Variants in DCAF8L2 observed in about 807,000 individuals in gnomAD.
DCAF8L2 encodes the protein DDB1- and CUL4-associated factor 8-like protein 2.
For missense variants in DCAF8L2, 430 were observed against 490.7 expected (o/e 0.88, Z 1.17); for synonymous variants, 200 against 190.9 (o/e 1.05, Z -0.39).
At chrX:27,550,213 T>C in the DCAF8L2 span, among the ~76,000 whole-genome samples, 2 of 112,264 alleles carry the variant, frequency 1.8e-5, no homozygotes, top group Non-Finnish European at 3.8e-5. Flanking sequence ...CCTGATAGTC[T>C]CTTTTTGGTT....
intron 1 of DCAF8L2, among the ~76,000 whole-genome samples, chrX:27,622,753 C>A (rs770745720): frequency 2.7e-5 from 3 of 109,867 alleles, no homozygotes; most frequent in Non-Finnish European, 5.7e-5. Context: ...AAGGAAATAA[C>A]TACCATACAA....
At chrX:27,666,864 G>A (rs758677171) in intron 2 of DCAF8L2, among the ~76,000 whole-genome samples, 2 of 111,743 alleles carry the variant, frequency 1.8e-5, no homozygotes, top group East Asian at 2.8e-4. Context: ...GAGATTAAAG[G>A]GGCTCATTTG....
chrX:27,704,227 C>T (rs745371053), intron 3 of DCAF8L2, among the ~76,000 whole-genome samples: 1 of 89,271 alleles, frequency 1.1e-5, no homozygotes, highest in South Asian at 4.5e-4. Context: ...CGCACATGTG[C>T]GTGTACACAC....
intron 1 of DCAF8L2, among the ~76,000 whole-genome samples, chrX:27,595,413 A>C (rs919744273): frequency 1.8e-5 from 2 of 111,267 alleles, no homozygotes; most frequent in Non-Finnish European, 3.8e-5. Flanking sequence ...CAGACTCTAA[A>C]TTTTGGAATT....
intron 2 of DCAF8L2, among the ~76,000 whole-genome samples, chrX:27,666,476 A>G (rs1569176541): frequency 8.9e-6 from 1 of 112,127 alleles, no homozygotes; most frequent in Non-Finnish European, 1.9e-5. Context: ...AGATCTATCC[A>G]AGTAACAGAT....
chrX:27,665,227 A>T (rs528338385), intron 2 of DCAF8L2, among the ~76,000 whole-genome samples: 54 of 110,831 alleles, frequency 4.9e-4, no homozygotes, highest in African/African-American at 1.7e-3. Context: ...AATATTACCA[A>T]AAAATTTAAA....
chrX:27,480,587 T>TA, the DCAF8L2 span, among the ~76,000 whole-genome samples: 1 of 111,894 alleles, frequency 8.9e-6, no homozygotes, highest in Admixed American at 9.5e-5. Context: ...GGGCAGCTAC[T>TA]ACCTTTGTGT....
chrX:27,640,793 T>C (rs763356520), intron 2 of DCAF8L2, among the ~76,000 whole-genome samples: 1 of 101,866 alleles, frequency 9.8e-6, no homozygotes, highest in Non-Finnish European at 2.0e-5. Context: ...TATGTAGTGG[T>C]ATTTTACAAG....
chrX:27,618,349 T>C (rs1191904289), intron 1 of DCAF8L2, among the ~76,000 whole-genome samples: 1 of 111,393 alleles, frequency 9.0e-6, no homozygotes, highest in Admixed American at 9.6e-5. Context: ...AAAGATAGTC[T>C]ATTACAGTGG....
intron 4 of DCAF8L2, among the ~76,000 whole-genome samples, chrX:27,744,677 G>A (rs990023360): frequency 7.1e-5 from 8 of 111,905 alleles, no homozygotes; most frequent in Admixed American, 5.7e-4. Flanking sequence ...GAGGTGTTTG[G>A]ATCATGGGGA....
At chrX:27,729,922 C>T (rs1451798965) in intron 4 of DCAF8L2, among the ~76,000 whole-genome samples, 3 of 111,978 alleles carry the variant, frequency 2.7e-5, no homozygotes, top group African/African-American at 9.7e-5. Context: ...TCCATGGGTA[C>T]TCAAAGTAAG....
At chrX:27,512,410 A>G in the DCAF8L2 span, among the ~76,000 whole-genome samples, 2 of 111,096 alleles carry the variant, frequency 1.8e-5, no homozygotes, top group African/African-American at 6.6e-5. Context: ...CAAGATACCA[A>G]TGACAGCTCA....
At chrX:27,523,990 C>T in the DCAF8L2 span, among the ~76,000 whole-genome samples, 1 of 111,877 alleles carries the variant, frequency 8.9e-6, no homozygotes, top group Non-Finnish European at 1.9e-5. Flanking sequence ...CTAAAAGTCT[C>T]TTTCGTTGTT....
At chrX:27,526,954 T>C in the DCAF8L2 span, among the ~76,000 whole-genome samples, 2 of 112,536 alleles carry the variant, frequency 1.8e-5, no homozygotes, top group African/African-American at 6.5e-5. Context: ...TGCCTCCCAG[T>C]TAGGCTACTC....
chrX:27,547,851 CTCTCTCTCTCTCTCTCTCTT>C, the DCAF8L2 span, among the ~76,000 whole-genome samples: 3 of 68,397 alleles, frequency 4.4e-5, no homozygotes, highest in Admixed American at 3.4e-4. Context: ...CTCTTTCTCT[CTCTCTCTCTCTCTCTCTCTT>C]TCTCTCTCTC....
chrX:27,651,959 A>C (rs765804198), intron 2 of DCAF8L2, among the ~76,000 whole-genome samples: 12 of 110,439 alleles, frequency 1.1e-4, no homozygotes, highest in Admixed American at 1.1e-3. Flanking sequence ...ATATTTTTTA[A>C]AGACCACTCT....
chrX:27,632,097 C>T (rs1928311453), intron 2 of DCAF8L2, 97 bp downstream of exon 2: 1 of 111,369 alleles, frequency 9.0e-6, no homozygotes, highest in Admixed American at 9.6e-5. Context: ...GCTCACTTCC[C>T]TCTTCTTCCC....
intron 1 of DCAF8L2, among the ~76,000 whole-genome samples, chrX:27,609,332 C>T (rs1258587064): frequency 1.8e-5 from 2 of 111,532 alleles, no homozygotes; most frequent in South Asian, 7.5e-4. Flanking sequence ...TCCAGGTCTC[C>T]CGAAGTCCCT....
chrX:27,747,054 T>C lies in DCAF8L2; in HGVS notation c.159T>C (p.Asp53=), dbSNP rs1326327656. Reference sequence around the variant, plus strand: ...AGCTGAGTGTGACAGTGACCGGAGATGGCAGTGATAGCAGGGATGGTGGAT... The same window carrying C: ...AGCTGAGTGTGACAGTGACCGGAGACGGCAGTGATAGCAGGGATGGTGGAT... ...TSELSVTVTG[D]GSDSRDGGFP... The change falls in exon 5 of 5, where the codon GAT becomes GAC. Residue 53 remains aspartate, a synonymous_variant. Transcript: ENST00000451261. 1.7e-6 allele frequency: 2 copies of C among 1,171,042 alleles called. No homozygotes were observed. The highest frequency in any genetic ancestry group is 2.3e-6 in the Non-Finnish European group (2 of 874,635).
Sources: gnomAD v4.1 joint callset for allele counts (sites outside exome capture counted in the v4.1 genomes callset) on GRCh38, gnomAD v4.1.1 for gene constraint, MANE v1.5 for transcripts, NCBI Gene and HGNC (gene_info 2026-07-23, HGNC 2026-07-21) for gene names.